The following DOK6 variants were observed in gnomAD, a reference collection of about 807,000 sequenced individuals.
DOK6 encodes docking protein 6, also known as downstream of tyrosine kinase 6.
DOK6 carries 22 observed loss-of-function variants against 44.0 expected under a neutral mutation model. That is an observed-to-expected ratio of 0.50 (90% CI 0.36 to 0.71). DOK6 has a LOEUF of 0.71. Ranked by LOEUF, DOK6 falls within the 30% of genes least tolerant of loss-of-function variation. The probability of loss-of-function intolerance (pLI) is 0.00; values close to 1 mark genes in which losing one functional copy is unlikely to be tolerated. For synonymous variants in DOK6, 166 were observed against 145.5 expected, an observed-to-expected ratio of 1.14 and a Z score of -1.01; for missense variants, 340 against 416.4, an observed-to-expected ratio of 0.82 and a Z score of 1.60.
At chr18:69,752,415 A>C (rs1979213513) in intron 6 of DOK6, among the ~76,000 whole-genome samples, 2 of 152,154 alleles carry the variant, frequency 1.3e-5, no homozygotes, top group South Asian at 4.1e-4. Flanking sequence ...AAATGTTTAA[A>C]ATTTTTCTCA....
intron 1 of DOK6, among the ~76,000 whole-genome samples, chr18:69,425,246 T>G (rs1193510407): frequency 2.0e-5 from 3 of 152,016 alleles, no homozygotes; most frequent in Non-Finnish European, 4.4e-5. Flanking sequence ...TCCAGTTTTT[T>G]TATTATATAT....
Position 69,750,221 on chromosome 18 carries a change from T to C in DOK6, c.739-7535T>C, listed in dbSNP as rs370103819. Among the ~76,000 whole-genome samples the C allele has an allele frequency of 1.8e-3, 271 of 151,898 alleles. 5 individuals are homozygous for C. Among genetic ancestry groups the C allele is most frequent in the South Asian group, 0.017 (83 of 4,820 alleles). On this transcript the variant is annotated intron_variant, in intron 6 of 7. Coordinates refer to ENST00000382713, the MANE Select transcript of DOK6 (RefSeq NM_152721.6). ...TAGGAGAACACAGAAGAGATTCTTA[T>C]TCATTTGGAAGGGTAGGGGCTAGAA...
chr18:69,776,697 T>C (rs1980077689), intron 7 of DOK6, among the ~76,000 whole-genome samples: 1 of 152,054 alleles, frequency 6.6e-6, no homozygotes, highest in African/African-American at 2.4e-5. Context: ...AAAGTAAGGC[T>C]ACTTTAACAA....
At chr18:69,462,047 C>T (rs1181308031) in intron 1 of DOK6, among the ~76,000 whole-genome samples, 1 of 152,152 alleles carries the variant, frequency 6.6e-6, no homozygotes, top group Non-Finnish European at 1.5e-5. Flanking sequence ...ATTTCTCATC[C>T]TCTTGTCTGG....
rs554660742 is a variant in DOK6 at position 69,446,303 on chromosome 18, G to A, written c.66+44993G>A. On this transcript the variant is annotated intron_variant, in intron 1 of 7. Coordinates refer to ENST00000382713, the MANE Select transcript of DOK6 (RefSeq NM_152721.6). ...TTCCCACCTATGAGTGAGAACACGCGGTGTTTGGTTTTTTGTCCTTGCGAT... is the reference window on the plus strand; with the variant it reads ...TTCCCACCTATGAGTGAGAACACGCAGTGTTTGGTTTTTTGTCCTTGCGAT... Among the ~76,000 whole-genome samples the A allele has an allele frequency of 1.1e-4, 16 of 149,328 alleles. No homozygotes were observed. In the East Asian group the frequency reaches 3.0e-3, roughly 28 times the overall value.
At chr18:69,568,953 T>A (rs866390270) in intron 2 of DOK6, among the ~76,000 whole-genome samples, 15 of 151,938 alleles carry the variant, frequency 9.9e-5, no homozygotes, top group Admixed American at 2.0e-4. Flanking sequence ...GTGAGTTGTA[T>A]AATTATTTCA....
At chr18:69,715,457 C>A (rs949983252) in intron 5 of DOK6, among the ~76,000 whole-genome samples, 1 of 152,180 alleles carries the variant, frequency 6.6e-6, no homozygotes, top group African/African-American at 2.4e-5. Context: ...ACAGGCTAAA[C>A]TAAGTAGCAT....
chr18:69,709,547 TGG>T (rs1244190410), intron 5 of DOK6, among the ~76,000 whole-genome samples: 1 of 152,150 alleles, frequency 6.6e-6, no homozygotes, highest in African/African-American at 2.4e-5. Flanking sequence ...ATTTTTTTCT[TGG>T]TGTTAAATAA....
At chr18:69,425,830 A>C (rs1978621560) in intron 1 of DOK6, among the ~76,000 whole-genome samples, 1 of 152,042 alleles carries the variant, frequency 6.6e-6, no homozygotes. Context: ...GAGTTGAAAT[A>C]TTTCTTTAAA....
At chr18:69,763,834 G>C (rs943928692) in intron 7 of DOK6, among the ~76,000 whole-genome samples, 1 of 152,120 alleles carries the variant, frequency 6.6e-6, no homozygotes, top group Non-Finnish European at 1.5e-5. Flanking sequence ...AGCCATTGAC[G>C]GTACCAGGTG....
At chr18:69,832,557 T>C (rs1981932149) in intron 7 of DOK6, 1 of 152,236 alleles carries the variant, frequency 6.6e-6, no homozygotes, top group African/African-American at 2.4e-5. Context: ...GGTTTGGAAG[T>C]ATTATCTCCT....
At chr18:69,459,053 G>GCCTCACA (rs1979708822) in intron 1 of DOK6, among the ~76,000 whole-genome samples, 2 of 151,000 alleles carry the variant, frequency 1.3e-5, no homozygotes, top group African/African-American at 4.9e-5. Context: ...CTGACATCAC[G>GCCTCACA]CCACTGCACT....
At chr18:69,415,300 C>G (rs1032830569) in intron 1 of DOK6, among the ~76,000 whole-genome samples, 1 of 152,046 alleles carries the variant, frequency 6.6e-6, no homozygotes, top group African/African-American at 2.4e-5. Flanking sequence ...AAAATGGTAG[C>G]AACTGTTCAA....
At chr18:69,562,724 C>G (rs937727277) in intron 1 of DOK6, among the ~76,000 whole-genome samples, 4 of 152,144 alleles carry the variant, frequency 2.6e-5, no homozygotes, top group Non-Finnish European at 5.9e-5. Flanking sequence ...TAATACCATT[C>G]AGGACATAGG....
At chr18:69,516,343 A>T (rs529464668) in intron 1 of DOK6, among the ~76,000 whole-genome samples, 2 of 152,352 alleles carry the variant, frequency 1.3e-5, no homozygotes, top group South Asian at 4.1e-4. Flanking sequence ...AGATTTGAAT[A>T]AAATCCGATT....
chr18:69,505,983 T>C (rs1253117991), intron 1 of DOK6, among the ~76,000 whole-genome samples: 5 of 151,966 alleles, frequency 3.3e-5, no homozygotes, highest in African/African-American at 1.2e-4. Context: ...AAAGCAATTA[T>C]AGCTAACTGG....
chr18:69,757,381 CTG>C lies in DOK6; in HGVS notation c.739-373_739-372del, dbSNP rs370493308. Among the ~76,000 whole-genome samples the C allele has an allele frequency of 5.3e-5, 8 of 152,314 alleles. No homozygotes were observed. The South Asian group carries it at 1.5e-3, about 28-fold the overall frequency. Reference sequence around the variant, plus strand: ...TTACTTTTTTAGTTATTTTACAACTCTGTAAATTGTGGAAAGCTGAGAGTAAT... The same window carrying C: ...TTACTTTTTTAGTTATTTTACAACTCTAAATTGTGGAAAGCTGAGAGTAAT... On this transcript the variant is annotated intron_variant, in intron 6 of 7. Coordinates refer to ENST00000382713, the MANE Select transcript of DOK6 (RefSeq NM_152721.6).
At chr18:69,597,727 C>T (rs946198690) in intron 2 of DOK6, among the ~76,000 whole-genome samples, 1 of 144,714 alleles carries the variant, frequency 6.9e-6, no homozygotes, top group Non-Finnish European at 1.6e-5. Context: ...CAGCTGGAAG[C>T]GTGCACATCT....
chr18:69,449,399 A>C (rs1979389736), intron 1 of DOK6, among the ~76,000 whole-genome samples: 1 of 152,194 alleles, frequency 6.6e-6, no homozygotes, highest in South Asian at 2.1e-4. Context: ...AATAAGACCA[A>C]AGAAAGAAAA....
Sources: allele counts gnomAD v4.1 joint callset (sites outside exome capture counted in the v4.1 genomes callset), GRCh38; gene constraint gnomAD v4.1.1; transcripts MANE v1.5; gene names NCBI Gene and HGNC (gene_info 2026-07-23, HGNC 2026-07-21).